The following COL5A2 variants were observed in gnomAD, a reference collection of about 807,000 sequenced individuals.
COL5A2 encodes collagen alpha-2(V) chain.
In COL5A2, 23 loss-of-function variants were observed where a neutral mutation model predicts 208.2. The ratio of observed to expected loss-of-function variants is 0.11; its 90% CI spans 0.08 to 0.16. The LOEUF (loss-of-function observed/expected upper bound fraction) is 0.16. Among genes scored for constraint, COL5A2 ranks in the 10% least tolerant of loss-of-function variants. The probability of loss-of-function intolerance (pLI) is 1.00; values close to 1 mark genes in which losing one functional copy is unlikely to be tolerated. For synonymous variants in COL5A2, 625 were observed against 628.5 expected (o/e 0.99, Z 0.08); for missense variants, 1,590 against 1,956.4 (o/e 0.81, Z 3.53).
At chr2:189,292,948 T>G in the COL5A2 span, among the ~76,000 whole-genome samples, 2 of 152,162 alleles carry the variant, frequency 1.3e-5, no homozygotes, top group African/African-American at 4.8e-5. Flanking sequence ...GTTCATGTCC[T>G]TTGTAGGGAC....
the COL5A2 span, among the ~76,000 whole-genome samples, chr2:189,334,438 T>A: frequency 2.0e-5 from 3 of 152,018 alleles, no homozygotes. Flanking sequence ...ATTAACTCTT[T>A]TAAAATATTA....
intron 1 of COL5A2, among the ~76,000 whole-genome samples, chr2:189,187,731 G>C (rs1215311122): frequency 6.6e-6 from 1 of 152,134 alleles, no homozygotes; most frequent in Non-Finnish European, 1.5e-5. Flanking sequence ...AGCACTTTGG[G>C]AGGCCGAGGC....
the COL5A2 span, among the ~76,000 whole-genome samples, chr2:189,332,593 T>G: frequency 6.6e-6 from 1 of 151,762 alleles, no homozygotes; most frequent in African/African-American, 2.4e-5. Context: ...TAGAGAGGAG[T>G]TTCCCTACAC....
chr2:189,071,584 T>C (rs981506281), intron 18 of COL5A2, among the ~76,000 whole-genome samples: 1 of 152,058 alleles, frequency 6.6e-6, no homozygotes, highest in East Asian at 1.9e-4. Context: ...GCTGGGGGAG[T>C]GCAGAGTGAT....
At chr2:189,297,170 T>G in the COL5A2 span, among the ~76,000 whole-genome samples, 1 of 152,098 alleles carries the variant, frequency 6.6e-6, no homozygotes, top group African/African-American at 2.4e-5. Context: ...TTTTTAAAAG[T>G]ATGCAGTTTG....
chr2:189,367,917 G>A, the COL5A2 span, among the ~76,000 whole-genome samples: 4 of 151,918 alleles, frequency 2.6e-5, no homozygotes, highest in East Asian at 7.7e-4. Flanking sequence ...GTCTTTACTT[G>A]GATAGGTCCC....
At chr2:189,313,143 G>A in the COL5A2 span, among the ~76,000 whole-genome samples, 1 of 151,944 alleles carries the variant, frequency 6.6e-6, no homozygotes, top group Non-Finnish European at 1.5e-5. Context: ...TGACAAGACG[G>A]GAGCAGACAA....
At chr2:189,400,327 G>T in the COL5A2 span, among the ~76,000 whole-genome samples, 1 of 151,978 alleles carries the variant, frequency 6.6e-6, no homozygotes, top group Non-Finnish European at 1.5e-5. Flanking sequence ...TCAGACCTTT[G>T]TCTCACATAT....
the COL5A2 span, among the ~76,000 whole-genome samples, chr2:189,435,078 G>T: frequency 6.6e-6 from 1 of 152,164 alleles, no homozygotes; most frequent in Non-Finnish European, 1.5e-5. Context: ...AATGGGGAAA[G>T]GATTCCCTAT....
upstream of COL5A2, among the ~76,000 whole-genome samples, chr2:189,226,354 T>C (rs1224411801): frequency 6.6e-6 from 1 of 151,970 alleles, no homozygotes; most frequent in Non-Finnish European, 1.5e-5. Context: ...TCAATAACAA[T>C]ATATGGGCTA....
chr2:189,414,051 C>A, the COL5A2 span, among the ~76,000 whole-genome samples: 1 of 152,114 alleles, frequency 6.6e-6, no homozygotes, highest in Non-Finnish European at 1.5e-5. Context: ...CTCCACCACC[C>A]AAACTGCTGG....
At chr2:189,295,006 G>A in the COL5A2 span, among the ~76,000 whole-genome samples, 5 of 151,952 alleles carry the variant, frequency 3.3e-5, no homozygotes, top group Admixed American at 6.6e-5. Flanking sequence ...ACAGGGTCTC[G>A]CTTTATTGCC....
the COL5A2 span, among the ~76,000 whole-genome samples, chr2:189,414,718 C>G: frequency 6.7e-6 from 1 of 149,030 alleles, no homozygotes; most frequent in Non-Finnish European, 1.5e-5. Context: ...CGCACCACCC[C>G]ACTCCAGCCT....
At chr2:189,233,152 C>G in the COL5A2 span, among the ~76,000 whole-genome samples, 2 of 151,702 alleles carry the variant, frequency 1.3e-5, no homozygotes, top group African/African-American at 4.8e-5. Flanking sequence ...TCAGCACCAT[C>G]AATACATATG....
intron 1 of COL5A2, among the ~76,000 whole-genome samples, chr2:189,118,520 C>A (rs752414945): frequency 3.3e-5 from 5 of 152,112 alleles, no homozygotes; most frequent in Non-Finnish European, 7.4e-5. Context: ...TCTGCCCTTG[C>A]CTTGAGCAAG....
At chr2:189,221,232 G>C (rs746586754) in intron 1 of COL5A2, among the ~76,000 whole-genome samples, 1 of 151,994 alleles carries the variant, frequency 6.6e-6, no homozygotes, top group Non-Finnish European at 1.5e-5. Context: ...AAATAATTAC[G>C]GCATAAACCA....
the COL5A2 span, among the ~76,000 whole-genome samples, chr2:189,276,735 A>G: frequency 1.4e-4 from 21 of 152,146 alleles, no homozygotes; most frequent in Non-Finnish European, 2.8e-4. Context: ...ATCAGAACTT[A>G]GATTTAATAT....
the COL5A2 span, among the ~76,000 whole-genome samples, chr2:189,335,104 T>G: frequency 6.6e-6 from 1 of 152,056 alleles, no homozygotes; most frequent in Admixed American, 6.5e-5. Flanking sequence ...TTGTAAAAGC[T>G]AGAATCATAA....
rs529530128 is a variant in COL5A2, at chr2:189,174,188, C to T, written c.97+5320G>A. On this transcript the variant is annotated intron_variant, in intron 1 of 53. Coordinates refer to ENST00000374866, the MANE Select transcript of COL5A2 (RefSeq NM_000393.5). ...TTGCCTCACATCCTGCATTAGGTAC[C>T]TGTCTAGAATGATGAACACAATGAA... Among the ~76,000 whole-genome samples the T allele has an allele frequency of 3.3e-5, 5 of 152,266 alleles. No homozygotes were observed. In the South Asian group the frequency reaches 1.0e-3, roughly 32 times the overall value.
Sources: gnomAD v4.1 joint callset for allele counts (sites outside exome capture counted in the v4.1 genomes callset) on GRCh38, gnomAD v4.1.1 for gene constraint, MANE v1.5 for transcripts, NCBI Gene and HGNC (gene_info 2026-07-23, HGNC 2026-07-21) for gene names.